Variants in DHX15 observed in about 807,000 individuals in gnomAD.
DHX15 encodes DEAH-box helicase 15.
Under a neutral mutation model 94.4 loss-of-function variants are expected in DHX15, and 11 were observed. That is an observed-to-expected ratio of 0.12 (90% CI 0.07 to 0.19). The LOEUF (loss-of-function observed/expected upper bound fraction) is 0.19. Among genes scored for constraint, DHX15 ranks in the 10% least tolerant of loss-of-function variants. The probability of loss-of-function intolerance (pLI) is 1.00; values close to 1 mark genes in which losing one functional copy is unlikely to be tolerated. For missense variants in DHX15, 304 were observed against 988.5 expected, an observed-to-expected ratio of 0.31 and a Z score of 9.29; for synonymous variants, 338 against 329.9, an observed-to-expected ratio of 1.02 and a Z score of -0.27.
chr4:24,543,117 A>G, intron 6 of DHX15, 91 bp from the exon 7 acceptor site: 5 of 771,566 alleles, frequency 6.5e-6, no homozygotes, highest in Non-Finnish European at 1.0e-5. Context: ...CACTGACACA[A>G]GGAATTTCAA....
intron 5 of DHX15, among the ~76,000 whole-genome samples, chr4:24,550,326 TTTC>T (rs1721568792): frequency 2.0e-5 from 3 of 152,124 alleles, no homozygotes; most frequent in South Asian, 2.1e-4. Flanking sequence ...TATATTTTTC[TTTC>T]TTCATTAAAT....
Position 24,584,480 on chromosome 4 carries a change from G to A in DHX15, c.-87C>T, listed in dbSNP as rs776522598. ...CGAGGACAGCCACTTAACTCTGGAGGACCCCCACCCCTCCCGCTACTACAG... is the reference window on the plus strand; with the variant it reads ...CGAGGACAGCCACTTAACTCTGGAGAACCCCCACCCCTCCCGCTACTACAG... On this transcript the variant is annotated 5_prime_UTR_variant, in exon 1 of 14. Transcript: ENST00000336812. 114 of 1,299,752 alleles carry A rather than the reference G, an allele frequency of 8.8e-5. No individual in the cohort carries two copies. Among genetic ancestry groups the A allele is most frequent in the Admixed American group, 1.7e-4 (8 of 46,514 alleles). 80.5% of individuals were successfully genotyped at this position (1,299,752 alleles called of 1,614,324 possible).
intron 11 of DHX15, chr4:24,534,210 T>C (rs781393807): frequency 6.6e-6 from 1 of 152,178 alleles, no homozygotes; most frequent in Non-Finnish European, 1.5e-5. Flanking sequence ...GCACTGAATA[T>C]CTTTGGGAGC....
intron 1 of DHX15, 182 bp downstream of exon 1, chr4:24,584,141 C>G (rs1722548786): frequency 3.2e-6 from 2 of 631,762 alleles, no homozygotes; most frequent in South Asian, 2.0e-5. Context: ...CACGCAACCC[C>G]CCGCGCCCTT....
At chr4:24,581,988 A>G (rs1722426715) in intron 1 of DHX15, among the ~76,000 whole-genome samples, 1 of 152,222 alleles carries the variant, frequency 6.6e-6, no homozygotes, top group Non-Finnish European at 1.5e-5. Flanking sequence ...TTCCCTTCTC[A>G]GTACTGCAGA....
chr4:24,584,205 CAGAG>C (rs1722551752), intron 1 of DHX15, 114 bp downstream of exon 1: 8 of 1,107,214 alleles, frequency 7.2e-6, no homozygotes, highest in Non-Finnish European at 1.0e-5. Flanking sequence ...GAACCCAGCC[CAGAG>C]AGAAACAAAG....
rs190609635 is a variant in DHX15 at position 24,544,040 on chromosome 4, T to C, written c.1249-1014A>G. Among the ~76,000 whole-genome samples, 24 of 152,110 alleles carry C rather than the reference T, an allele frequency of 1.6e-4. 1 individual carries two copies. The highest frequency in any genetic ancestry group is 6.5e-5 in the Admixed American group (1 of 15,274). On this transcript the variant is annotated intron_variant, in intron 6 of 13. Coordinates refer to ENST00000336812, the MANE Select transcript of DHX15 (RefSeq NM_001358.3). ...AGTCAAGAAAAGCTTTACTGAAAAA[T>C]AATAGCATTTAGGACAGTCCTTGAC...
At chr4:24,545,104 C>G (rs928119193) in intron 6 of DHX15, among the ~76,000 whole-genome samples, 12 of 152,144 alleles carry the variant, frequency 7.9e-5, no homozygotes, top group African/African-American at 2.9e-4. Flanking sequence ...GACTGAGACC[C>G]TATCTCAAAT....
At chr4:24,582,524 G>A (rs1240559278) in intron 1 of DHX15, among the ~76,000 whole-genome samples, 4 of 152,136 alleles carry the variant, frequency 2.6e-5, no homozygotes. Context: ...CCTCCTGTGA[G>A]AGACATCAGT....
At chr4:24,538,205 T>C (rs1479943380) in intron 10 of DHX15, 1 of 152,146 alleles carries the variant, frequency 6.6e-6, no homozygotes, top group Non-Finnish European at 1.5e-5. Context: ...TCTTAAAACC[T>C]TGTCAATGAA....
Position 24,570,967 on chromosome 4 carries a change from A to G in DHX15, c.508-120T>C, listed in dbSNP as rs151012186. 242 of 1,009,676 alleles carry G rather than the reference A, an allele frequency of 2.4e-4. No individual in the cohort carries two copies. In the African/African-American group the frequency reaches 3.6e-3, roughly 15 times the overall value. 62.5% of individuals were successfully genotyped at this position (1,009,676 alleles called of 1,614,324 possible). On this transcript the variant is annotated intron_variant, in intron 2 of 13. Transcript: ENST00000336812. The stretch of plus-strand genomic sequence containing the variant: ...ACCAAATCCAATTAGGCAAATGACT[A>G]TAAGACTTGTGATTCAAAACTTGTA...
Position 24,540,133 on chromosome 4 carries a change from G to A in DHX15, c.1761C>T (p.Val587=), listed in dbSNP as rs141880755. The change falls in exon 10 of 14, where the codon GTC becomes GTT. Residue 587 remains valine, a synonymous_variant. Transcript: ENST00000336812. The part of the protein sequence containing the change: ...ASCDYNCSNE[V]LSITAMLSVP... ...CTGACAACATAGCAGTAATAGATAG[G>A]ACCTCATTAGAACAGTTGTAGTCAC... is the stretch of plus-strand genomic sequence containing the variant. The A allele has an allele frequency of 1.9e-5, 30 of 1,607,196 alleles. No individual in the cohort carries two copies. In the African/African-American group the frequency reaches 3.2e-4, roughly 17 times the overall value.
chr4:24,563,841 G>A (rs1190591619), intron 3 of DHX15, among the ~76,000 whole-genome samples: 1 of 152,016 alleles, frequency 6.6e-6, no homozygotes, highest in East Asian at 1.9e-4. Context: ...CGAGGTGGGT[G>A]GATCACGAGG....
chr4:24,534,363 C>CT (rs1405269987), intron 11 of DHX15, among the ~76,000 whole-genome samples: 9 of 152,214 alleles, frequency 5.9e-5, no homozygotes, highest in African/African-American at 2.2e-4. Flanking sequence ...TGAAATGTAG[C>CT]TTTTTTGTGT....
At chr4:24,570,632 T>C (rs751456352) in intron 3 of DHX15, 22 bp downstream of exon 3, 1 of 1,609,522 alleles carries the variant, frequency 6.2e-7, no homozygotes, top group South Asian at 1.1e-5. Context: ...ACTAAAAGCG[T>C]CATTAAAGAT....
chr4:24,570,967 A>T lies in DHX15; in HGVS notation c.508-120T>A, dbSNP rs151012186. ...ACCAAATCCAATTAGGCAAATGACT[A>T]TAAGACTTGTGATTCAAAACTTGTA... is the stretch of plus-strand genomic sequence containing the variant. On this transcript the variant is annotated intron_variant, in intron 2 of 13. Coordinates refer to ENST00000336812, the MANE Select transcript of DHX15 (RefSeq NM_001358.3). The T allele has an allele frequency of 5.0e-6, 5 of 1,009,676 alleles. No homozygotes were observed. In the African/African-American group the frequency reaches 8.1e-5, roughly 16 times the overall value. The allele number at this position is 1,009,676 out of a possible 1,614,324, so 62.5% of individuals were successfully genotyped here. A position where few individuals can be genotyped will look rare whatever the true frequency, so the allele number is the denominator to read the frequency against.
intron 12 of DHX15, chr4:24,530,157 T>C (rs943256633): frequency 5.6e-5 from 15 of 266,756 alleles, no homozygotes; most frequent in Non-Finnish European, 8.5e-5. Flanking sequence ...CAGTGTTAGG[T>C]AGTTTTGACA....
At chr4:24,529,953 A>G (rs1721039337) in intron 12 of DHX15, 183 bp from the exon 13 acceptor site, 1 of 622,176 alleles carries the variant, frequency 1.6e-6, no homozygotes, top group African/African-American at 1.9e-5. Context: ...AATCCAACTC[A>G]TAGCCTCTAT....
intron 12 of DHX15, chr4:24,530,897 A>G (rs1721070243): frequency 6.6e-6 from 1 of 152,190 alleles, no homozygotes; most frequent in South Asian, 2.1e-4. Flanking sequence ...TGCTGTTTCT[A>G]ATAAATTTTT....
Sources: gnomAD v4.1 joint callset for allele counts (sites outside exome capture counted in the v4.1 genomes callset) on GRCh38, gnomAD v4.1.1 for gene constraint, MANE v1.5 for transcripts, NCBI Gene and HGNC (gene_info 2026-07-23, HGNC 2026-07-21) for gene names.